Variants in COBL observed in about 807,000 individuals in gnomAD.
COBL encodes cordon-bleu WH2 repeat protein.
COBL carries 51 observed loss-of-function variants against 98.8 expected under a neutral mutation model. That is an observed-to-expected ratio of 0.52 (90% CI 0.41 to 0.65). The LOEUF is 0.65. Among genes scored for constraint, COBL ranks in the 30% least tolerant of loss-of-function variants. COBL has a pLI of 0.00. For missense variants in COBL, 1,617 were observed against 1,617.5 expected (o/e 1.00, Z 0.01); for synonymous variants, 634 against 651.7 (o/e 0.97, Z 0.41).
At chr7:51,035,095 G>A (rs556811465) in intron 8 of COBL, 14 of 152,344 alleles carry the variant, frequency 9.2e-5, no homozygotes, top group African/African-American at 2.9e-4. Context: ...GATGGTCGGA[G>A]GGTGGCAGGC....
chr7:51,276,735 G>C (rs986764544), intron 1 of COBL, among the ~76,000 whole-genome samples: 1 of 152,172 alleles, frequency 6.6e-6, no homozygotes, highest in East Asian at 1.9e-4. Context: ...CTTGCAGAGT[G>C]AGCAGGCAGG....
chr7:51,116,400 C>T (rs1373413215), intron 6 of COBL, among the ~76,000 whole-genome samples: 2 of 152,088 alleles, frequency 1.3e-5, no homozygotes, highest in Non-Finnish European at 2.9e-5. Flanking sequence ...AGTATTATAA[C>T]CCTTCACATC....
chr7:51,223,658 T>C (rs1019450378), intron 1 of COBL, among the ~76,000 whole-genome samples: 1 of 152,198 alleles, frequency 6.6e-6, no homozygotes, highest in South Asian at 2.1e-4. Flanking sequence ...CCTCACTTGT[T>C]CTGCTCTCAA....
intron 5 of COBL, among the ~76,000 whole-genome samples, chr7:51,168,039 A>T (rs1371170544): frequency 6.6e-6 from 1 of 152,186 alleles, no homozygotes; most frequent in East Asian, 1.9e-4. Context: ...AAGTATAGGC[A>T]ACCAAAGCAA....
At chr7:51,031,545 G>A (rs1349201518) in intron 8 of COBL, 1 of 152,554 alleles carries the variant, frequency 6.6e-6, no homozygotes, top group African/African-American at 2.4e-5. Context: ...GGAGGTCCGT[G>A]GGGAGGGTTG....
intron 1 of COBL, chr7:51,259,609 G>T: frequency 1.3e-6 from 1 of 743,408 alleles, no homozygotes; most frequent in Non-Finnish European, 2.4e-6. Context: ...TCATGAATGA[G>T]GTCTTCCAAG....
intron 1 of COBL, among the ~76,000 whole-genome samples, chr7:51,306,977 A>G (rs1802534228): frequency 6.6e-6 from 1 of 152,216 alleles, no homozygotes; most frequent in Non-Finnish European, 1.5e-5. Flanking sequence ...AATGTGGCCT[A>G]GCAGAGTGGC....
intron 1 of COBL, among the ~76,000 whole-genome samples, chr7:51,274,477 C>A (rs1031229706): frequency 6.6e-6 from 1 of 152,180 alleles, no homozygotes; most frequent in Non-Finnish European, 1.5e-5. Context: ...AAGAAACCAG[C>A]CAAGCTGACC....
At chr7:51,160,342 A>T (rs1036256293) in intron 5 of COBL, among the ~76,000 whole-genome samples, 1 of 152,242 alleles carries the variant, frequency 6.6e-6, no homozygotes, top group African/African-American at 2.4e-5. Flanking sequence ...CCATAATAAC[A>T]TATTGTTATT....
chr7:51,263,053 G>GTTAAGA (rs1393974818), intron 1 of COBL, among the ~76,000 whole-genome samples: 1 of 152,224 alleles, frequency 6.6e-6, no homozygotes, highest in Non-Finnish European at 1.5e-5. Flanking sequence ...CTGACGCAGT[G>GTTAAGA]TTAAGAGACA....
intron 5 of COBL, among the ~76,000 whole-genome samples, chr7:51,161,043 A>C (rs1786749684): frequency 6.6e-6 from 1 of 152,178 alleles, no homozygotes; most frequent in Non-Finnish European, 1.5e-5. Flanking sequence ...ATATCTCTAC[A>C]CAACTGATGT....
At chr7:51,219,515 A>G (rs896680641) in intron 2 of COBL, among the ~76,000 whole-genome samples, 2 of 152,082 alleles carry the variant, frequency 1.3e-5, no homozygotes, top group African/African-American at 4.8e-5. Context: ...TCTCCTAAGC[A>G]TCTGGTGAGC....
At chr7:51,107,525 A>T (rs980272486) in intron 6 of COBL, among the ~76,000 whole-genome samples, 1 of 152,172 alleles carries the variant, frequency 6.6e-6, no homozygotes, top group African/African-American at 2.4e-5. Flanking sequence ...TTAAGGATTA[A>T]TTTTTCTGCT....
intron 7 of COBL, among the ~76,000 whole-genome samples, chr7:51,050,132 C>T (rs1199716964): frequency 6.6e-6 from 1 of 152,070 alleles, no homozygotes; most frequent in African/African-American, 2.4e-5. Flanking sequence ...CTACTATATA[C>T]ACACACACAC....
At chr7:51,138,184 T>G (rs1799415240) in intron 5 of COBL, among the ~76,000 whole-genome samples, 1 of 152,126 alleles carries the variant, frequency 6.6e-6, no homozygotes, top group African/African-American at 2.4e-5. Context: ...CAGGTGACGG[T>G]GATATAACAG....
intron 7 of COBL, among the ~76,000 whole-genome samples, chr7:51,073,592 A>T (rs1026730669): frequency 1.3e-5 from 2 of 152,156 alleles, no homozygotes; most frequent in Non-Finnish European, 2.9e-5. Context: ...TCCAACAGAT[A>T]TGATTCTGCC....
At chr7:51,017,858 G>A (rs976683050) in intron 12 of COBL, among the ~76,000 whole-genome samples, 27 of 152,342 alleles carry the variant, frequency 1.8e-4, no homozygotes, top group African/African-American at 5.5e-4. Flanking sequence ...TCCAGACAGA[G>A]GACACTGCCT....
chr7:51,261,974 G>A (rs1346434632), intron 1 of COBL, among the ~76,000 whole-genome samples: 1 of 152,200 alleles, frequency 6.6e-6, no homozygotes, highest in Non-Finnish European at 1.5e-5. Flanking sequence ...GCAGCCTGAG[G>A]AACGCTAAGC....
At position 51,029,000 on chromosome 7, in the gene COBL, T is replaced by A; in HGVS notation, c.2096A>T (p.Tyr699Phe). Residue 699 changes from tyrosine to phenylalanine, a missense_variant, in exon 10 of 13, where the codon TAC becomes TTC. Transcript: ENST00000265136. ...HQRGQNPGKSYRLKHGLTTYK... is the reference protein window; with the variant it reads ...HQRGQNPGKSFRLKHGLTTYK... The stretch of plus-strand genomic sequence containing the variant: ...CGTTGTGAGGCCGTGCTTAAGTCTG[T>A]AGCTTTTCCCTGGGTTTTGGCCTCG... The A allele has an allele frequency of 6.2e-7, 1 of 1,614,176 alleles. No individual in the cohort carries two copies. The highest frequency in any genetic ancestry group is 8.5e-7 in the Non-Finnish European group (1 of 1,180,034).
Sources: gnomAD v4.1 joint callset for allele counts (sites outside exome capture counted in the v4.1 genomes callset) on GRCh38, gnomAD v4.1.1 for gene constraint, MANE v1.5 for transcripts, NCBI Gene and HGNC (gene_info 2026-07-23, HGNC 2026-07-21) for gene names.